The following CAST variants were observed in gnomAD, a reference collection of about 807,000 sequenced individuals.
CAST encodes the protein MIR583 host.
CAST carries 76 observed loss-of-function variants against 119.6 expected under a neutral mutation model. The observed-to-expected ratio is 0.64, with a 90% CI of 0.53 to 0.77. The LOEUF (loss-of-function observed/expected upper bound fraction) is 0.77. CAST is among the 30% of genes least tolerant of loss of function. The probability of loss-of-function intolerance (pLI) is 0.00; values close to 1 mark genes in which losing one functional copy is unlikely to be tolerated. For missense variants in CAST, 953 were observed against 946.5 expected, an observed-to-expected ratio of 1.01 and a Z score of -0.09; for synonymous variants, 319 against 331.6, an observed-to-expected ratio of 0.96 and a Z score of 0.41.
At chr5:96,147,799 C>T in the CAST span, among the ~76,000 whole-genome samples, 3 of 152,112 alleles carry the variant, frequency 2.0e-5, no homozygotes, top group Non-Finnish European at 2.9e-5. Context: ...CTTATGCTGC[C>T]GTAGTCTAGA....
intron 9 of CAST, among the ~76,000 whole-genome samples, chr5:96,735,301 T>A (rs1264103052): frequency 6.6e-6 from 1 of 152,220 alleles, no homozygotes; most frequent in Admixed American, 6.5e-5. Context: ...TATGCAAACC[T>A]TGGCAGTCAG....
chr5:96,536,613 A>G (rs1745819929), intron 1 of CAST, among the ~76,000 whole-genome samples: 2 of 152,200 alleles, frequency 1.3e-5, no homozygotes, highest in South Asian at 4.1e-4. Flanking sequence ...AGTTGAAGAA[A>G]ATCCATGGAT....
At chr5:96,355,015 G>C in the CAST span, among the ~76,000 whole-genome samples, 1 of 151,754 alleles carries the variant, frequency 6.6e-6, no homozygotes, top group East Asian at 1.9e-4. Context: ...ATTCTTTATA[G>C]TTCTTTTTTT....
At chr5:96,554,956 A>C (rs1207496228) in intron 1 of CAST, among the ~76,000 whole-genome samples, 1 of 152,200 alleles carries the variant, frequency 6.6e-6, no homozygotes, top group Non-Finnish European at 1.5e-5. Flanking sequence ...CTGTTGGTGG[A>C]AGTGTAAATT....
the CAST span, among the ~76,000 whole-genome samples, chr5:96,496,533 CA>C: frequency 6.6e-6 from 1 of 152,154 alleles, no homozygotes; most frequent in South Asian, 2.1e-4. Flanking sequence ...CATAAGGCTG[CA>C]AATGCAAAGT....
In CAST at chr5:96,586,647, A is replaced by C. The variant is rs550972002; in HGVS notation, c.60+56767A>C. 2.3e-4 allele frequency among the ~76,000 whole-genome samples: 35 copies of C among 152,376 alleles called. 1 individual carries two copies. Among genetic ancestry groups the C allele is most frequent in the Admixed American group, 2.1e-3 (32 of 15,310 alleles). On this transcript the variant is annotated intron_variant, in intron 1 of 11. Transcript: ENST00000505143. ...ACCATTTGGCAGAAGATTGCAATTC[A>C]TAAAAGCAAGTATTTCCAAAGGCAG...
At chr5:96,350,359 A>G in the CAST span, among the ~76,000 whole-genome samples, 104,850 of 152,020 alleles carry the variant, frequency 0.69, 37,131 homozygotes, top group African/African-American at 0.86. Context: ...ATCTGGCTCC[A>G]TAAATCTGCA....
At chr5:96,702,219 C>T (rs1753996222) in intron 3 of CAST, among the ~76,000 whole-genome samples, 1 of 152,098 alleles carries the variant, frequency 6.6e-6, no homozygotes, top group African/African-American at 2.4e-5. Flanking sequence ...TAACTCTTAT[C>T]ATTCAATATT....
intron 2 of CAST, among the ~76,000 whole-genome samples, chr5:96,681,722 G>C (rs1267668928): frequency 8.5e-6 from 1 of 117,370 alleles, no homozygotes; most frequent in African/African-American, 3.4e-5. Flanking sequence ...GACAGAGCGA[G>C]ACTCCGTCTC....
At chr5:96,428,375 G>A in the CAST span, among the ~76,000 whole-genome samples, 7 of 152,098 alleles carry the variant, frequency 4.6e-5, no homozygotes, top group Non-Finnish European at 8.8e-5. Context: ...GATATCAGGC[G>A]AATCAGGATA....
intron 1 of CAST, among the ~76,000 whole-genome samples, chr5:96,534,178 A>G (rs982061318): frequency 1.3e-5 from 2 of 152,218 alleles, no homozygotes; most frequent in African/African-American, 4.8e-5. Flanking sequence ...GAAATGTGTC[A>G]ACATTTGGAG....
the CAST span, among the ~76,000 whole-genome samples, chr5:96,502,152 C>A: frequency 6.6e-6 from 1 of 152,164 alleles, no homozygotes; most frequent in Admixed American, 6.5e-5. Context: ...TCTCTCACAG[C>A]ACTCATAACA....
At chr5:96,261,343 C>T in the CAST span, among the ~76,000 whole-genome samples, 1 of 152,142 alleles carries the variant, frequency 6.6e-6, no homozygotes, top group Non-Finnish European at 1.5e-5. Context: ...GAGAAAGAAA[C>T]AATTAATAGA....
chr5:96,278,038 T>G, the CAST span, among the ~76,000 whole-genome samples: 16 of 142,486 alleles, frequency 1.1e-4, no homozygotes, highest in East Asian at 1.4e-3. Flanking sequence ...TAAAATAGAG[T>G]TTTTTTTTTT....
chr5:96,286,351 T>C, the CAST span, among the ~76,000 whole-genome samples: 1 of 152,214 alleles, frequency 6.6e-6, no homozygotes, highest in Non-Finnish European at 1.5e-5. Flanking sequence ...GATATTACTT[T>C]TCTTGTCAAT....
chr5:96,248,113 G>A, the CAST span: 4 of 152,308 alleles, frequency 2.6e-5, no homozygotes, highest in Non-Finnish European at 4.4e-5. Context: ...TACACCTACC[G>A]AAAATGCTGG....
At chr5:96,610,746 A>G (rs1747345423) in intron 1 of CAST, among the ~76,000 whole-genome samples, 1 of 152,240 alleles carries the variant, frequency 6.6e-6, no homozygotes, top group African/African-American at 2.4e-5. Flanking sequence ...TTAATTGACA[A>G]TATGATTCTA....
chr5:96,737,505 A>ATTTTG (rs998533288), intron 10 of CAST, among the ~76,000 whole-genome samples: 24 of 152,098 alleles, frequency 1.6e-4, no homozygotes, highest in Non-Finnish European at 2.8e-4. Context: ...AATTCCCTGT[A>ATTTTG]TTTTGTTTTG....
intron 1 of CAST, among the ~76,000 whole-genome samples, chr5:96,645,822 A>C (rs1748007936): frequency 1.3e-5 from 2 of 151,654 alleles, no homozygotes; most frequent in African/African-American, 4.8e-5. Context: ...AAAACATAGA[A>C]ACTTGAAAGG....
Sources: gnomAD v4.1 joint callset for allele counts (sites outside exome capture counted in the v4.1 genomes callset) on GRCh38, gnomAD v4.1.1 for gene constraint, MANE v1.5 for transcripts, NCBI Gene and HGNC (gene_info 2026-07-23, HGNC 2026-07-21) for gene names.